KCNT1: variants seen among roughly 807,000 people sequenced by gnomAD.
The protein encoded by KCNT1 is potassium sodium-activated channel subfamily T member 1.
Under a neutral mutation model 147.8 loss-of-function variants are expected in KCNT1, and 78 were observed. The observed-to-expected ratio is 0.53, with a 90% CI of 0.44 to 0.64. The LOEUF (loss-of-function observed/expected upper bound fraction) is 0.64. Among genes scored for constraint, KCNT1 ranks in the 30% least tolerant of loss-of-function variants. The pLI is 0.00. For synonymous variants in KCNT1, 867 were observed against 748.8 expected, an observed-to-expected ratio of 1.16 and a Z score of -2.58; for missense variants, 1,419 against 1,750.3, an observed-to-expected ratio of 0.81 and a Z score of 3.38.
intron 11 of KCNT1, among the ~76,000 whole-genome samples, chr9:135,762,708 C>T (rs1478238896): frequency 6.6e-6 from 1 of 152,208 alleles, no homozygotes; most frequent in Non-Finnish European, 1.5e-5. Context: ...CAAGATCACA[C>T]CACTGCACTC....
At chr9:135,786,573 C>G (rs1355309075) in intron 29 of KCNT1, 52 bp downstream of exon 29, 2 of 1,481,946 alleles carry the variant, frequency 1.3e-6, no homozygotes, top group South Asian at 1.3e-5. Flanking sequence ...GGGCCAGGGT[C>G]GGGCCACAGC....
At chr9:135,779,517 A>G (rs1833450989) in intron 24 of KCNT1, 47 bp downstream of exon 24, 1 of 1,386,514 alleles carries the variant, frequency 7.2e-7, no homozygotes, top group Non-Finnish European at 1.0e-6. Context: ...AATCCCAGAA[A>G]GAGTGGGAGA....
intron 10 of KCNT1, among the ~76,000 whole-genome samples, chr9:135,759,471 G>T (rs1381198333): frequency 6.6e-6 from 1 of 152,368 alleles, no homozygotes; most frequent in Admixed American, 6.5e-5. Context: ...CCAGCGTCAG[G>T]CAGGAGGTGG....
chr9:135,785,585 ACCCCCGCCCC>A (rs1229576910), intron 28 of KCNT1: 1 of 612,698 alleles, frequency 1.6e-6, no homozygotes, highest in African/African-American at 1.8e-5. Context: ...CACCAGGTGC[ACCCCCGCCCC>A]CTCCCAGGCC....
chr9:135,769,757 C>T lies in KCNT1; in HGVS notation c.1511-190C>T, dbSNP rs577238231. On this transcript the variant is annotated intron_variant, in intron 15 of 30. Coordinates refer to ENST00000371757, the MANE Select transcript of KCNT1 (RefSeq NM_020822.3). ...AGCACAGGAGCGATGGAAGGTCCAC[C>T]GAGGCTCAGACCAAGTAGGGGGTTG... 6.6e-5 allele frequency among the ~76,000 whole-genome samples: 10 copies of T among 152,216 alleles called. No homozygotes were observed. In the East Asian group the frequency reaches 9.7e-4, roughly 15 times the overall value.
chr9:135,762,857 C>G (rs964307696), intron 11 of KCNT1, among the ~76,000 whole-genome samples: 2 of 152,370 alleles, frequency 1.3e-5, no homozygotes, highest in South Asian at 4.1e-4. Flanking sequence ...AATGCGCCAT[C>G]GTCACGAGAA....
In KCNT1 at chr9:135,702,196, A is replaced by T; in HGVS notation, c.-63A>T. 8.3e-7 allele frequency: 1 copy of T among 1,198,792 alleles called. No individual in the cohort carries two copies. The highest frequency in any genetic ancestry group is 1.2e-6 in the Non-Finnish European group (1 of 823,704). 74.3% of individuals were successfully genotyped at this position (1,198,792 alleles called of 1,614,324 possible). A position where few individuals can be genotyped will look rare whatever the true frequency, so the allele number is the denominator to read the frequency against. On this transcript the variant is annotated 5_prime_UTR_variant, in exon 1 of 31. Transcript: ENST00000371757. The stretch of plus-strand genomic sequence containing the variant: ...AAAAAATGTTTTTCAGGGCAACGCG[A>T]GGGAAGAAGGTGGCGGCTCCCACTC...
chr9:135,778,756 C>T lies in KCNT1; in HGVS notation c.2663C>T (p.Thr888Ile). The change falls in exon 23 of 31, where the codon ACC (threonine) becomes ATC (isoleucine). Residue 888 changes from threonine to isoleucine, a missense_variant. Around this residue, in one of 5 missense-constraint regions of KCNT1, gnomAD observed 247 missense variants for 397.1 expected, o/e 0.62. Transcript: ENST00000371757. ...DNLVVVDKES[T>I]MSAEEDYMAD... ...CTGGTGGTGGTGGACAAGGAGAGCACCATGAGCGCCGAGGAGGACTACATG... is the reference window on the plus strand; with the variant it reads ...CTGGTGGTGGTGGACAAGGAGAGCATCATGAGCGCCGAGGAGGACTACATG... 1.2e-6 allele frequency: 2 copies of T among 1,613,918 alleles called. No homozygotes were observed. Among genetic ancestry groups the T allele is most frequent in the East Asian group, 2.2e-5 (1 of 44,872 alleles).
intron 24 of KCNT1, among the ~76,000 whole-genome samples, chr9:135,783,569 C>T (rs971957176): frequency 5.3e-5 from 8 of 152,238 alleles, no homozygotes; most frequent in African/African-American, 1.4e-4. Context: ...GCCTGGAGCA[C>T]AGGGACGGGG....
At chr9:135,703,697 C>T (rs1835128125) in intron 1 of KCNT1, among the ~76,000 whole-genome samples, 1 of 152,248 alleles carries the variant, frequency 6.6e-6, no homozygotes, top group South Asian at 2.1e-4. Context: ...TCTCCCTCCC[C>T]AGCCTAGCGT....
At chr9:135,775,817 G>C (rs1481400834) in intron 20 of KCNT1, among the ~76,000 whole-genome samples, 1 of 152,196 alleles carries the variant, frequency 6.6e-6, no homozygotes, top group Admixed American at 6.5e-5. Context: ...AGATTGGGCC[G>C]AGGGCCCCGA....
rs560301563 is a variant in KCNT1 at position 135,785,037 on chromosome 9, A to G, written c.3156+148A>G. 13 of 1,332,294 alleles carry G rather than the reference A, an allele frequency of 9.8e-6. No individual in the cohort carries two copies. The East Asian group carries it at 2.8e-4, about 29-fold the overall frequency. The allele number at this position is 1,332,294 out of a possible 1,614,324, so 82.5% of individuals were successfully genotyped here. A position where few individuals can be genotyped will look rare whatever the true frequency, so the allele number is the denominator to read the frequency against. On this transcript the variant is annotated intron_variant, in intron 27 of 30. Coordinates refer to ENST00000371757, the MANE Select transcript of KCNT1 (RefSeq NM_020822.3). ...ACCTTCAGTGTCAGGGACCTGGGCT[A>G]GATCAGCTTTGCTATTGCTGGCAGC...
At chr9:135,780,964 G>A (rs980966755) in intron 24 of KCNT1, among the ~76,000 whole-genome samples, 1 of 152,196 alleles carries the variant, frequency 6.6e-6, no homozygotes, top group African/African-American at 2.4e-5. Context: ...GTCCCACAAG[G>A]TGGCTTGAAG....
At position 135,792,321 on chromosome 9, in the gene KCNT1, G is replaced by T; in HGVS notation, c.*160G>T. On this transcript the variant is annotated 3_prime_UTR_variant, in exon 31 of 31. Transcript: ENST00000371757. Reference sequence around the variant, plus strand: ...ACCCTGGAAAGGAGCCCCTCATGCGGGGGGAGGGCCAGCTCACCCCTGGGC... The same window carrying T: ...ACCCTGGAAAGGAGCCCCTCATGCGTGGGGAGGGCCAGCTCACCCCTGGGC... 3.2e-6 allele frequency: 3 copies of T among 951,846 alleles called. No homozygotes were observed. Among genetic ancestry groups the T allele is most frequent in the Non-Finnish European group, 3.0e-6 (2 of 664,624 alleles). 59.0% of individuals were successfully genotyped at this position (951,846 alleles called of 1,614,324 possible). A position where few individuals can be genotyped will look rare whatever the true frequency, so the allele number is the denominator to read the frequency against.
rs1014679375 is a variant in KCNT1 at position 135,752,175 on chromosome 9, G to A, written c.434+1134G>A. 3 of 351,202 alleles carry A rather than the reference G, an allele frequency of 8.5e-6. No homozygotes were observed. The highest frequency in any genetic ancestry group is 1.7e-5 in the Non-Finnish European group (3 of 177,126). The allele number at this position is 351,202 out of a possible 1,614,324, so 21.8% of individuals were successfully genotyped here. A position where few individuals can be genotyped will look rare whatever the true frequency, so the allele number is the denominator to read the frequency against. ...CGGGGTGAACCCTGCCAGCATGCTG[G>A]TCCCCCCTCTGGCTGCGCAGAGCAG... On this transcript the variant is annotated intron_variant, in intron 4 of 30. Transcript: ENST00000371757. The surrounding 1 kb of genome is among the most constrained non-coding windows in gnomAD (Gnocchi z 5.1).
chr9:135,715,867 G>A (rs1005124489), intron 2 of KCNT1, among the ~76,000 whole-genome samples: 2 of 152,220 alleles, frequency 1.3e-5, no homozygotes, highest in African/African-American at 2.4e-5. Flanking sequence ...AGAGTCAGGA[G>A]TGGGGACTGA....
chr9:135,715,998 C>T (rs1317731074), intron 2 of KCNT1, among the ~76,000 whole-genome samples: 2 of 152,156 alleles, frequency 1.3e-5, no homozygotes, highest in African/African-American at 4.8e-5. Flanking sequence ...GTGCAAATGC[C>T]CAGGTGAAGA....
At chr9:135,731,126 A>G (rs764389810) in intron 2 of KCNT1, among the ~76,000 whole-genome samples, 1 of 151,942 alleles carries the variant, frequency 6.6e-6, no homozygotes, top group African/African-American at 2.4e-5. Flanking sequence ...ACTTTGGCCA[A>G]TGGGAGCCCT....
chr9:135,750,289 G>C (rs927419823), intron 3 of KCNT1, 112 bp downstream of exon 3: 15 of 847,318 alleles, frequency 1.8e-5, no homozygotes, highest in African/African-American at 1.5e-4. Context: ...AGTCCATGGG[G>C]TGGGAGCCAC....
Sources: gnomAD v4.1 joint callset for allele counts (sites outside exome capture counted in the v4.1 genomes callset) on GRCh38, gnomAD v4.1.1 for gene constraint, gnomAD v4.1.1 regional missense constraint, Gnocchi (gnomAD v3.1) non-coding constraint, MANE v1.5 for transcripts, NCBI Gene and HGNC (gene_info 2026-07-23, HGNC 2026-07-21) for gene names.